Variants in FOXP4 observed in about 807,000 individuals in gnomAD.
FOXP4 encodes the protein forkhead box protein P4.
A neutral mutation model predicts 82.6 loss-of-function variants in FOXP4; 25 were observed. The observed-to-expected ratio is 0.30, with a 90% CI of 0.22 to 0.42. FOXP4 has a LOEUF of 0.42. Ranked by LOEUF, FOXP4 falls within the 10% of genes least tolerant of loss-of-function variation. The pLI is 1.00. For synonymous variants in FOXP4, 415 were observed against 388.2 expected (o/e 1.07, Z -0.81); for missense variants, 785 against 900.9 (o/e 0.87, Z 1.65).
intron 5 of FOXP4, 149 bp from the exon 6 acceptor site, chr6:41,586,860 G>C: frequency 2.3e-6 from 3 of 1,333,324 alleles, no homozygotes; most frequent in Non-Finnish European, 3.0e-6. Context: ...AGCTGGGCCG[G>C]GAGCAGAGAC....
At chr6:41,586,762 G>C (rs1203840163) in intron 5 of FOXP4, among the ~76,000 whole-genome samples, 1 of 152,218 alleles carries the variant, frequency 6.6e-6, no homozygotes. Flanking sequence ...GTCGTGCTGC[G>C]TGTCTGGGTC....
chr6:41,578,603 C>T (rs1021719070), intron 3 of FOXP4, among the ~76,000 whole-genome samples: 3 of 151,340 alleles, frequency 2.0e-5, no homozygotes, highest in Admixed American at 6.6e-5. Context: ...CTTGATGTCT[C>T]TCTGTCTCTT....
At chr6:41,590,213 CTG>C (rs1241344436) in intron 11 of FOXP4, 43 bp downstream of exon 11, 6 of 1,608,950 alleles carry the variant, frequency 3.7e-6, no homozygotes, top group Non-Finnish European at 5.1e-6. Context: ...CAGCGTGAGG[CTG>C]TTTTTCCCAT....
chr6:41,570,935 C>T (rs963969865), intron 2 of FOXP4, among the ~76,000 whole-genome samples: 5 of 152,114 alleles, frequency 3.3e-5, no homozygotes, highest in South Asian at 2.1e-4. Context: ...ATCTTCAGGA[C>T]GAGAACTGCA....
intron 5 of FOXP4, among the ~76,000 whole-genome samples, chr6:41,586,657 C>T (rs1380863922): frequency 6.6e-6 from 1 of 152,228 alleles, no homozygotes; most frequent in Non-Finnish European, 1.5e-5. Context: ...ATCTGACAGG[C>T]TCATCGATCA....
At chr6:41,548,804 C>T (rs2127297952) in intron 1 of FOXP4, among the ~76,000 whole-genome samples, 1 of 149,186 alleles carries the variant, frequency 6.7e-6, no homozygotes, top group African/African-American at 2.5e-5. Context: ...CGGAAAACCG[C>T]TGTGGGGAAG....
Position 41,587,134 on chromosome 6 carries a change from G to A in FOXP4, c.636G>A (p.Gly212=), listed in dbSNP as rs762210032. 1.1e-5 allele frequency: 17 copies of A among 1,604,290 alleles called. No homozygotes were observed. Among genetic ancestry groups the A allele is most frequent in the Middle Eastern group, 2.1e-4 (1 of 4,872 alleles). Residue 212 remains glycine (G), a synonymous_variant, in exon 6 of 17, where the codon GGG becomes GGA. Coordinates refer to ENST00000307972, the MANE Select transcript of FOXP4 (RefSeq NM_001012426.2). ...GCCTGCAGCCCAACCAAGCCTCGGG[G>A]CCCCTCCAGACCCTTCCGCAAGGTG... is the stretch of plus-strand genomic sequence containing the variant. ...LVSLQPNQAS[G]PLQTLPQAAV... is the part of the protein sequence containing the mutation.
In FOXP4 at chr6:41,598,933, C is replaced by T; in HGVS notation, c.2040C>T (p.Ser680=). Residue 680 remains serine (S), a synonymous_variant, in exon 17 of 17, where the codon TCC becomes TCT. Coordinates refer to ENST00000307972, the MANE Select transcript of FOXP4 (RefSeq NM_001012426.2). ...AGGAGCTGCCGGGAGAAGAACTGTC[C>T]TAAGGGCCTGTAGTGACCGGCAGGG... The part of the protein sequence containing the change: ...LEEELPGEEL[S] 1.2e-6 allele frequency: 2 copies of T among 1,604,962 alleles called. No homozygotes were observed. The highest frequency in any genetic ancestry group is 1.7e-6 in the Non-Finnish European group (2 of 1,177,058).
At chr6:41,582,085 G>A (rs144891277) in intron 3 of FOXP4, among the ~76,000 whole-genome samples, 75 of 152,346 alleles carry the variant, frequency 4.9e-4, no homozygotes, top group African/African-American at 1.7e-3. Context: ...CACCAGGGGA[G>A]GAGACAGAGA....
intron 1 of FOXP4, among the ~76,000 whole-genome samples, chr6:41,548,012 TC>T (rs1763758538): frequency 6.6e-6 from 1 of 152,170 alleles, no homozygotes; most frequent in Non-Finnish European, 1.5e-5. Context: ...GGCGGCGGAT[TC>T]CCTGTGTCCC....
rs372893590 is a variant in FOXP4, at chr6:41,565,365, CA to C, written c.-16-377del. On this transcript the variant is annotated intron_variant, in intron 1 of 16. Transcript: ENST00000307972. ...ATAGAGCGAGACTGTGTCTCAAAAA[CA>C]AACAAACAAACAAACAAAAAACCTA... 5.8e-3 allele frequency among the ~76,000 whole-genome samples: 887 copies of C among 151,816 alleles called. 8 individuals are homozygous for C. Among genetic ancestry groups the C allele is most frequent in the African/African-American group, 0.021 (851 of 41,322 alleles).
chr6:41,571,396 G>T (rs1009371802), intron 2 of FOXP4, among the ~76,000 whole-genome samples: 1 of 152,228 alleles, frequency 6.6e-6, no homozygotes, highest in Non-Finnish European at 1.5e-5. Context: ...TTGAAGGATC[G>T]CAGTTCCTCA....
intron 1 of FOXP4, among the ~76,000 whole-genome samples, chr6:41,548,803 G>A (rs142721346): frequency 5.4e-4 from 81 of 149,368 alleles, no homozygotes; most frequent in Non-Finnish European, 9.3e-4. Context: ...GCGGAAAACC[G>A]CTGTGGGGAA....
Position 41,584,906 on chromosome 6 carries a change from A to G in FOXP4, c.423+15A>G. 6.2e-7 allele frequency: 1 copy of G among 1,602,206 alleles called. No homozygotes were observed. The highest frequency in any genetic ancestry group is 1.1e-5 in the South Asian group (1 of 89,664). ...TGCTCCAGCAGGTGAGTCTGGCCCC[A>G]GGGCAGCTGGTCCCTCCTCCTCTGC... On this transcript the variant is annotated intron_variant, in intron 4 of 16. Transcript: ENST00000307972.
At chr6:41,568,301 T>A (rs575712098) in intron 2 of FOXP4, among the ~76,000 whole-genome samples, 2 of 152,300 alleles carry the variant, frequency 1.3e-5, no homozygotes, top group Admixed American at 1.3e-4. Flanking sequence ...TCACCATCCC[T>A]GCAAGGTGGA....
chr6:41,587,781 C>T lies in FOXP4; in HGVS notation c.873-12C>T, dbSNP rs1308876447. On this transcript the variant is annotated splice_polypyrimidine_tract_variant and intron_variant, in intron 7 of 16. Transcript: ENST00000307972. Reference sequence around the variant, plus strand: ...GGGTCCCTGATCGGCCACCTCCCTGCTGTCCTCCCAGCTCTTCCCACGAGG... The same window carrying T: ...GGGTCCCTGATCGGCCACCTCCCTGTTGTCCTCCCAGCTCTTCCCACGAGG... 3 of 1,539,676 alleles carry T rather than the reference C, an allele frequency of 1.9e-6. No individual in the cohort carries two copies.
chr6:41,582,703 C>T (rs1562034027), intron 3 of FOXP4, among the ~76,000 whole-genome samples: 1 of 145,562 alleles, frequency 6.9e-6, no homozygotes, highest in Non-Finnish European at 1.5e-5. Context: ...GGGTCTATGC[C>T]GTTGTCTGCC....
At chr6:41,562,494 C>T (rs1266607348) in intron 1 of FOXP4, among the ~76,000 whole-genome samples, 1 of 152,128 alleles carries the variant, frequency 6.6e-6, no homozygotes, top group Non-Finnish European at 1.5e-5. Context: ...TGTATGCCCC[C>T]CCCATAAAAA....
rs1767221405 is a variant in FOXP4 at position 41,601,756 on chromosome 6, G to C, written c.*2820G>C. 1 of 152,448 alleles carries C rather than the reference G, an allele frequency of 6.6e-6. No individual in the cohort carries two copies. The highest frequency in any genetic ancestry group is 1.5e-5 in the Non-Finnish European group (1 of 68,240). 9.4% of individuals were successfully genotyped at this position (152,448 alleles called of 1,614,324 possible). ...CTCCCAAAGTGCTGGGATTACAGGC[G>C]TGAGCCACTGCACCCGGCTCTCACT... On this transcript the variant is annotated 3_prime_UTR_variant, in exon 17 of 17. Coordinates refer to ENST00000307972, the MANE Select transcript of FOXP4 (RefSeq NM_001012426.2).
Sources: allele counts gnomAD v4.1 joint callset (sites outside exome capture counted in the v4.1 genomes callset), GRCh38; gene constraint gnomAD v4.1.1; transcripts MANE v1.5; gene names NCBI Gene and HGNC (gene_info 2026-07-23, HGNC 2026-07-21).